Variants in ACMSD observed in about 807,000 individuals in gnomAD.
ACMSD encodes 2-amino-3-carboxymuconate-6-semialdehyde decarboxylase.
ACMSD carries 37 observed loss-of-function variants against 45.9 expected under a neutral mutation model. The observed-to-expected ratio is 0.81, with a 90% CI of 0.62 to 1.06. The LOEUF is 1.06. Ranked by LOEUF, ACMSD falls within the 50% of genes least tolerant of loss-of-function variation. The pLI, the probability that ACMSD is intolerant of heterozygous loss-of-function variation, is 0.00. For synonymous variants in ACMSD, 138 were observed against 148.8 expected, an observed-to-expected ratio of 0.93 and a Z score of 0.53; for missense variants, 434 against 420.9, an observed-to-expected ratio of 1.03 and a Z score of -0.27.
chr2:134,843,536 T>C (rs1347600300), intron 1 of ACMSD, among the ~76,000 whole-genome samples: 7 of 151,988 alleles, frequency 4.6e-5, no homozygotes, highest in Non-Finnish European at 1.5e-5. Context: ...AGTCTAGTGG[T>C]GAAGGGAGCT....
chr2:134,861,412 T>A (rs6706537), intron 3 of ACMSD, among the ~76,000 whole-genome samples: 2 of 151,966 alleles, frequency 1.3e-5, no homozygotes, highest in Admixed American at 1.3e-4. Flanking sequence ...CCAACCCTCA[T>A]TGAGTATTTA....
At chr2:134,894,938 T>A (rs1487655303) in intron 8 of ACMSD, among the ~76,000 whole-genome samples, 1 of 152,148 alleles carries the variant, frequency 6.6e-6, no homozygotes, top group Non-Finnish European at 1.5e-5. Context: ...TTGTTAGCAA[T>A]GAATAATCCA....
At chr2:134,894,000 A>G (rs1236108063) in intron 8 of ACMSD, among the ~76,000 whole-genome samples, 4 of 152,176 alleles carry the variant, frequency 2.6e-5, no homozygotes, top group Admixed American at 6.5e-5. Flanking sequence ...ATAGCTGTAA[A>G]TGCCTATATT....
intron 2 of ACMSD, among the ~76,000 whole-genome samples, chr2:134,856,380 A>G (rs931203058): frequency 2.6e-5 from 4 of 152,190 alleles, no homozygotes; most frequent in African/African-American, 4.8e-5. Context: ...TGCCACTGCC[A>G]TGTTCTGCAC....
At position 134,847,397 on chromosome 2, in the gene ACMSD, CAGATAGAT is replaced by C. The variant is rs1213803670; in HGVS notation, c.102+2166_102+2173del. On this transcript the variant is annotated intron_variant, in intron 2 of 9. Coordinates refer to ENST00000356140, the MANE Select transcript of ACMSD (RefSeq NM_138326.3). The stretch of plus-strand genomic sequence containing the variant: ...ACCACTAAAGAGTTTTTTGGGGATA[CAGATAGAT>C]AGATAGATAGATAGATAGATAGATA... Among the ~76,000 whole-genome samples, 156 of 81,474 alleles carry C rather than the reference CAGATAGAT, an allele frequency of 1.9e-3. 1 individual carries two copies. The highest frequency in any genetic ancestry group is 2.7e-3 in the South Asian group (6 of 2,198). 53.5% of individuals were successfully genotyped at this position (81,474 alleles called of 152,430 possible). A position where few individuals can be genotyped will look rare whatever the true frequency, so the allele number is the denominator to read the frequency against.
chr2:134,855,662 T>C (rs1242807753), intron 2 of ACMSD, among the ~76,000 whole-genome samples: 4 of 152,214 alleles, frequency 2.6e-5, no homozygotes, highest in Non-Finnish European at 5.9e-5. Context: ...TGCTAGTGTG[T>C]GGACACCTGT....
chr2:134,845,114 G>C, intron 1 of ACMSD, 119 bp from the exon 2 acceptor site: 1 of 955,580 alleles, frequency 1.0e-6, no homozygotes, highest in Non-Finnish European at 1.7e-6. Flanking sequence ...CATGGGTATG[G>C]GGGAAATGGG....
intron 4 of ACMSD, among the ~76,000 whole-genome samples, chr2:134,862,278 A>C (rs775525411): frequency 4.6e-5 from 7 of 152,078 alleles, no homozygotes; most frequent in Non-Finnish European, 7.4e-5. Flanking sequence ...GACCAGCCTT[A>C]ATCTCCACCA....
intron 8 of ACMSD, among the ~76,000 whole-genome samples, chr2:134,889,464 C>T (rs920877910): frequency 6.6e-5 from 10 of 152,000 alleles, no homozygotes; most frequent in African/African-American, 2.2e-4. Context: ...TACGGTCAGC[C>T]CTCTGTATTC....
At chr2:134,852,902 C>A (rs970742746) in intron 2 of ACMSD, among the ~76,000 whole-genome samples, 1 of 152,098 alleles carries the variant, frequency 6.6e-6, no homozygotes, top group Admixed American at 6.5e-5. Context: ...TGGTGCCTCA[C>A]GCCTAATCCC....
intron 2 of ACMSD, among the ~76,000 whole-genome samples, chr2:134,851,661 T>C (rs1687352165): frequency 6.6e-6 from 1 of 152,214 alleles, no homozygotes; most frequent in African/African-American, 2.4e-5. Context: ...CAGAATTGTC[T>C]CAAACTCCTA....
intron 8 of ACMSD, among the ~76,000 whole-genome samples, chr2:134,883,001 G>T (rs748173097): frequency 1.3e-5 from 2 of 152,172 alleles, no homozygotes; most frequent in Non-Finnish European, 2.9e-5. Context: ...ATGTATGTTG[G>T]AGCAAAGTGT....
In ACMSD at chr2:134,838,626, C is replaced by A; in HGVS notation, c.-57C>A. The A allele has an allele frequency of 6.8e-7, 1 of 1,476,730 alleles. No individual in the cohort carries two copies. Among genetic ancestry groups the A allele is most frequent in the Non-Finnish European group, 9.4e-7 (1 of 1,064,714 alleles). 91.5% of individuals were successfully genotyped at this position (1,476,730 alleles called of 1,614,324 possible). Reference sequence around the variant, plus strand: ...AAATCAATTAACTCCACAGTTTTCACAAAGGTCTCTTGATATCAAAACTTC... The same window carrying A: ...AAATCAATTAACTCCACAGTTTTCAAAAAGGTCTCTTGATATCAAAACTTC... On this transcript the variant is annotated 5_prime_UTR_variant, in exon 1 of 10. Coordinates refer to ENST00000356140, the MANE Select transcript of ACMSD (RefSeq NM_138326.3).
intron 8 of ACMSD, among the ~76,000 whole-genome samples, chr2:134,883,351 G>A (rs1214530899): frequency 6.6e-6 from 1 of 151,978 alleles, no homozygotes; most frequent in Admixed American, 6.6e-5. Flanking sequence ...GACAGCTTTG[G>A]GTATCCCAAG....
intron 1 of ACMSD, among the ~76,000 whole-genome samples, chr2:134,840,632 C>T (rs1325131966): frequency 6.6e-6 from 1 of 152,190 alleles, no homozygotes; most frequent in Non-Finnish European, 1.5e-5. Context: ...AACCAGGAAG[C>T]GGGTTCTCAC....
At chr2:134,876,771 A>G (rs1461523038) in intron 8 of ACMSD, among the ~76,000 whole-genome samples, 2 of 152,164 alleles carry the variant, frequency 1.3e-5, no homozygotes, top group African/African-American at 4.8e-5. Flanking sequence ...CATACTGTAC[A>G]TCATTATCTG....
rs1397246984 is a variant in ACMSD at position 134,901,904 on chromosome 2, T to C, written c.*44T>C. The C allele has an allele frequency of 6.6e-7, 1 of 1,505,884 alleles. No individual in the cohort carries two copies. Among genetic ancestry groups the C allele is most frequent in the Non-Finnish European group, 9.1e-7 (1 of 1,099,418 alleles). The allele number at this position is 1,505,884 out of a possible 1,614,324, so 93.3% of individuals were successfully genotyped here. A position where few individuals can be genotyped will look rare whatever the true frequency, so the allele number is the denominator to read the frequency against. On this transcript the variant is annotated 3_prime_UTR_variant, in exon 10 of 10. Transcript: ENST00000356140. Reference sequence around the variant, plus strand: ...CAAACTTTCAAAAGGATATCTCATTTTTGTTTCTAAATATGTATCAACAGG... The same window carrying C: ...CAAACTTTCAAAAGGATATCTCATTCTTGTTTCTAAATATGTATCAACAGG...
intron 2 of ACMSD, among the ~76,000 whole-genome samples, chr2:134,848,992 G>C (rs1371200356): frequency 1.3e-5 from 2 of 152,146 alleles, no homozygotes; most frequent in African/African-American, 4.8e-5. Flanking sequence ...TCCTAGACCA[G>C]GATCTGATGC....
chr2:134,846,525 T>C (rs922710134), intron 2 of ACMSD, among the ~76,000 whole-genome samples: 1 of 152,194 alleles, frequency 6.6e-6, no homozygotes, highest in Admixed American at 6.5e-5. Context: ...CACCTCAGCT[T>C]CCCAAGTAGC....
Sources: gnomAD v4.1 joint callset for allele counts (sites outside exome capture counted in the v4.1 genomes callset) on GRCh38, gnomAD v4.1.1 for gene constraint, MANE v1.5 for transcripts, NCBI Gene and HGNC (gene_info 2026-07-23, HGNC 2026-07-21) for gene names.